PDAP1: variants seen among roughly 807,000 people sequenced by gnomAD.
PDAP1 encodes PDGFA associated protein 1, also known as 28 kDa heat- and acid-stable phosphoprotein.
A neutral mutation model predicts 28.0 loss-of-function variants in PDAP1; 13 were observed. The observed-to-expected ratio is 0.46, with a 90% confidence interval of 0.30 to 0.74. PDAP1 has a LOEUF of 0.74. PDAP1 is among the 30% of genes least tolerant of loss of function. The pLI is 0.07. For missense variants in PDAP1, 150 were observed against 230.0 expected, an observed-to-expected ratio of 0.65 and a Z score of 2.25; for synonymous variants, 77 against 85.1, an observed-to-expected ratio of 0.91 and a Z score of 0.52.
intron 1 of PDAP1, 21 bp downstream of exon 1, chr7:99,408,515 C>T: frequency 7.6e-7 from 1 of 1,321,490 alleles, no homozygotes; most frequent in Non-Finnish European, 9.7e-7. Flanking sequence ...GGCCTGCGGG[C>T]CACCGGCGCC....
intron 1 of PDAP1, among the ~76,000 whole-genome samples, chr7:99,407,650 T>C (rs989660426): frequency 6.6e-6 from 1 of 152,146 alleles, no homozygotes; most frequent in Non-Finnish European, 1.5e-5. Flanking sequence ...CGGCCCCAAT[T>C]CAACAAGCTA....
intron 1 of PDAP1, among the ~76,000 whole-genome samples, chr7:99,405,216 C>T (rs1398811104): frequency 6.6e-6 from 1 of 152,202 alleles, no homozygotes; most frequent in Non-Finnish European, 1.5e-5. Flanking sequence ...GCGGACGGTG[C>T]ACTGCAATGA....
intron 5 of PDAP1, 26 bp downstream of exon 5, chr7:99,397,836 C>T (rs561285500): frequency 6.2e-7 from 1 of 1,609,128 alleles, no homozygotes; most frequent in South Asian, 1.1e-5. Flanking sequence ...TGGGGCCTGT[C>T]CCTGCGTGCG....
chr7:99,394,779 T>TAAAAA lies in PDAP1; in HGVS notation c.*1898_*1902dup, dbSNP rs773085531. The TAAAAA allele has an allele frequency of 1.1e-5, 11 of 958,170 alleles. No individual in the cohort carries two copies. Among genetic ancestry groups the TAAAAA allele is most frequent in the East Asian group, 6.0e-5 (1 of 16,536 alleles). The allele number at this position is 958,170 out of a possible 1,614,324, so 59.4% of individuals were successfully genotyped here. A position where few individuals can be genotyped will look rare whatever the true frequency, so the allele number is the denominator to read the frequency against. ...GTGGAGGTAATAAAATGCAACTGTG[T>TAAAAA]AAAAAAAAAAAAAAAAAAAAAAGTA... On this transcript the variant is annotated 3_prime_UTR_variant, in exon 6 of 6. Coordinates refer to ENST00000350498, the MANE Select transcript of PDAP1 (RefSeq NM_014891.7).
intron 4 of PDAP1, among the ~76,000 whole-genome samples, chr7:99,398,858 C>T (rs555149039): frequency 6.6e-6 from 1 of 152,216 alleles, no homozygotes; most frequent in Admixed American, 6.5e-5. Context: ...TGCTGCCCCC[C>T]AAGGGGACAG....
intron 1 of PDAP1, among the ~76,000 whole-genome samples, chr7:99,406,020 G>A (rs1794964545): frequency 6.6e-6 from 1 of 152,214 alleles, no homozygotes; most frequent in East Asian, 1.9e-4. Flanking sequence ...GGGAGGCCAA[G>A]GCGGGCAGAT....
At chr7:99,400,173 C>T (rs374693373) in intron 4 of PDAP1, 130 bp downstream of exon 4, 15 of 972,912 alleles carry the variant, frequency 1.5e-5, no homozygotes, top group South Asian at 9.6e-5. Flanking sequence ...TTAAAGGCTA[C>T]TGGAGGGCCA....
At chr7:99,399,421 G>A (rs1042003675) in intron 4 of PDAP1, among the ~76,000 whole-genome samples, 6 of 151,344 alleles carry the variant, frequency 4.0e-5, no homozygotes, top group African/African-American at 7.3e-5. Context: ...AGGACAGAAG[G>A]AGGGAGCAAC....
At chr7:99,399,750 G>C (rs1429338226) in intron 4 of PDAP1, among the ~76,000 whole-genome samples, 1 of 152,224 alleles carries the variant, frequency 6.6e-6, no homozygotes, top group African/African-American at 2.4e-5. Context: ...GCTGCCAAAA[G>C]TCAGGGCACC....
intron 2 of PDAP1, among the ~76,000 whole-genome samples, chr7:99,404,347 T>G (rs138167929): frequency 6.8e-4 from 103 of 152,058 alleles, no homozygotes; most frequent in Non-Finnish European, 1.2e-3. Flanking sequence ...CAATGTACTA[T>G]GGGAGCAGAG....
chr7:99,396,754 GA>G lies in PDAP1; in HGVS notation c.488-15del, dbSNP rs1316733244. On this transcript the variant is annotated splice_polypyrimidine_tract_variant and intron_variant, in intron 5 of 5. Coordinates refer to ENST00000350498, the MANE Select transcript of PDAP1 (RefSeq NM_014891.7). ...CATCGTCTTTTGCTGAGGGGTGGGA[GA>G]AGGGCAGGGGTTAAAACAAAGCAAC... 1.2e-6 allele frequency: 2 copies of G among 1,610,194 alleles called. No homozygotes were observed. The highest frequency in any genetic ancestry group is 1.7e-6 in the Non-Finnish European group (2 of 1,177,594).
intron 4 of PDAP1, among the ~76,000 whole-genome samples, chr7:99,398,343 A>G (rs1416685727): frequency 2.0e-5 from 3 of 152,212 alleles, no homozygotes; most frequent in Non-Finnish European, 4.4e-5. Flanking sequence ...GACCAGGCCA[A>G]GAGTGTTCCA....
At chr7:99,408,476 G>C (rs1223818787) in intron 1 of PDAP1, 60 bp downstream of exon 1, 1 of 1,334,274 alleles carries the variant, frequency 7.5e-7, no homozygotes. Context: ...TGAGGGGACA[G>C]CGGAAGCCGG....
chr7:99,400,499 C>T, intron 3 of PDAP1, 75 bp from the exon 4 acceptor site: 1 of 1,567,092 alleles, frequency 6.4e-7, no homozygotes, highest in South Asian at 1.1e-5. Context: ...TGCCATCTCT[C>T]AACAGCCCAT....
chr7:99,407,135 G>A (rs1185537415), intron 1 of PDAP1, among the ~76,000 whole-genome samples: 2 of 152,130 alleles, frequency 1.3e-5, no homozygotes, highest in Admixed American at 1.3e-4. Context: ...AACAAGCGTT[G>A]GTCCTTTGCT....
intron 3 of PDAP1, among the ~76,000 whole-genome samples, chr7:99,402,596 A>G (rs1351843044): frequency 6.7e-6 from 1 of 148,918 alleles, no homozygotes; most frequent in African/African-American, 2.4e-5. Flanking sequence ...AAAAAAAAAA[A>G]AAGGGGGCTG....
intron 1 of PDAP1, among the ~76,000 whole-genome samples, 178 bp downstream of exon 1, chr7:99,408,358 A>G (rs758241979): frequency 8.6e-5 from 13 of 152,006 alleles, no homozygotes; most frequent in Non-Finnish European, 2.9e-5. Flanking sequence ...CTGGGACACC[A>G]CAGTCCTCAG....
At chr7:99,402,461 G>A (rs1451494427) in intron 3 of PDAP1, among the ~76,000 whole-genome samples, 1 of 150,460 alleles carries the variant, frequency 6.6e-6, no homozygotes, top group African/African-American at 2.4e-5. Context: ...TAAAAATTAG[G>A]TAGATGTGGT....
rs1554350846 is a variant in PDAP1 at position 99,394,697 on chromosome 7, T to TG, written c.*1984dup. 1.4e-5 allele frequency: 17 copies of TG among 1,228,206 alleles called. No individual in the cohort carries two copies. The highest frequency in any genetic ancestry group is 1.0e-4 in the African/African-American group (3 of 29,376). The allele number at this position is 1,228,206 out of a possible 1,614,324, so 76.1% of individuals were successfully genotyped here. On this transcript the variant is annotated 3_prime_UTR_variant, in exon 6 of 6. Coordinates refer to ENST00000350498, the MANE Select transcript of PDAP1 (RefSeq NM_014891.7). ...CTTTTTCTTAAATGCTTTCATTTAT[T>TG]GAAAAAAAAAAAAAATGCCCCCAAA...
Sources: gnomAD v4.1 joint callset for allele counts (sites outside exome capture counted in the v4.1 genomes callset) on GRCh38, gnomAD v4.1.1 for gene constraint, MANE v1.5 for transcripts, NCBI Gene and HGNC (gene_info 2026-07-23, HGNC 2026-07-21) for gene names.